Variants in PPARGC1A observed in about 807,000 individuals in gnomAD.
PPARGC1A encodes the protein peroxisome proliferator-activated receptor gamma coactivator 1-alpha.
In PPARGC1A, 25 loss-of-function variants were observed where a neutral mutation model predicts 88.7. That is an observed-to-expected ratio of 0.28 (90% CI 0.21 to 0.39). The LOEUF is 0.39. PPARGC1A is among the 10% of genes least tolerant of loss of function. PPARGC1A has a pLI of 1.00. For missense variants in PPARGC1A, 880 were observed against 968.7 expected, an observed-to-expected ratio of 0.91 and a Z score of 1.22; for synonymous variants, 363 against 355.6, an observed-to-expected ratio of 1.02 and a Z score of -0.24.
At chr4:24,366,469 G>T in the PPARGC1A span, among the ~76,000 whole-genome samples, 1 of 152,136 alleles carries the variant, frequency 6.6e-6, no homozygotes, top group Non-Finnish European at 1.5e-5. Context: ...GCAAAGAAAA[G>T]AAGTTTGCTG....
chr4:23,794,673 G>GCA lies in PPARGC1A; in HGVS notation c.*1148_*1149insTG, dbSNP rs1169131080. The GCA allele has an allele frequency of 3.3e-5, 5 of 152,452 alleles. No individual in the cohort carries two copies. The highest frequency in any genetic ancestry group is 2.0e-4 in the Admixed American group (3 of 15,240). 9.4% of individuals were successfully genotyped at this position (152,452 alleles called of 1,614,324 possible). On this transcript the variant is annotated 3_prime_UTR_variant, in exon 13 of 13. Coordinates refer to ENST00000264867, the MANE Select transcript of PPARGC1A (RefSeq NM_013261.5). ...AAGAAGGCTGCATTTACAGTGCATA[G>GCA]CTGTAACAAAAAAGAACATTGTTGT...
the PPARGC1A span, among the ~76,000 whole-genome samples, chr4:23,975,785 G>C: frequency 5.4e-3 from 823 of 152,322 alleles, 13 homozygotes; most frequent in African/African-American, 0.019. Flanking sequence ...GGTTTTCTGA[G>C]TTCAAATTCT....
At chr4:23,912,800 T>C in the PPARGC1A span, among the ~76,000 whole-genome samples, 1 of 151,476 alleles carries the variant, frequency 6.6e-6, no homozygotes, top group African/African-American at 2.4e-5. Context: ...TTCTTTTTTT[T>C]TTTTTTTAGA....
chr4:24,253,776 A>G, the PPARGC1A span, among the ~76,000 whole-genome samples: 1 of 152,208 alleles, frequency 6.6e-6, no homozygotes, highest in East Asian at 1.9e-4. Context: ...AATTGCATCT[A>G]TGTTCTCAAA....
the PPARGC1A span, among the ~76,000 whole-genome samples, chr4:23,988,164 A>C: frequency 6.6e-6 from 1 of 151,866 alleles, no homozygotes; most frequent in South Asian, 2.1e-4. Flanking sequence ...TATGTGCTAC[A>C]TTTTCTTTAT....
the PPARGC1A span, among the ~76,000 whole-genome samples, chr4:24,263,776 G>T: frequency 1.3e-5 from 2 of 151,952 alleles, no homozygotes; most frequent in Admixed American, 1.3e-4. Flanking sequence ...TTGAGACAGG[G>T]TCTCACTCTG....
chr4:24,438,785 C>T, the PPARGC1A span, among the ~76,000 whole-genome samples: 11 of 151,114 alleles, frequency 7.3e-5, no homozygotes, highest in Admixed American at 6.0e-4. Flanking sequence ...GATCTGAGTC[C>T]GTTAGTGAAA....
the PPARGC1A span, among the ~76,000 whole-genome samples, chr4:24,020,671 G>C: frequency 1.2e-4 from 19 of 152,044 alleles, no homozygotes; most frequent in Non-Finnish European, 2.4e-4. Context: ...CTGGGGAGTG[G>C]GGAGTGGGTG....
chr4:24,318,096 G>C, the PPARGC1A span, among the ~76,000 whole-genome samples: 2 of 152,188 alleles, frequency 1.3e-5, no homozygotes, highest in Admixed American at 6.5e-5. Context: ...GCCGCTCAAA[G>C]ATTAGTCCTG....
chr4:23,980,285 T>C, the PPARGC1A span, among the ~76,000 whole-genome samples: 3 of 151,926 alleles, frequency 2.0e-5, no homozygotes, highest in Non-Finnish European at 2.9e-5. Flanking sequence ...TCAAACATCT[T>C]CAGTAGCTCC....
chr4:23,938,501 A>C, the PPARGC1A span, among the ~76,000 whole-genome samples: 424 of 152,346 alleles, frequency 2.8e-3, no homozygotes, highest in Admixed American at 4.8e-3. Context: ...GTAGAGAGAG[A>C]AAAACTGACT....
chr4:24,213,119 C>T, the PPARGC1A span, among the ~76,000 whole-genome samples: 2 of 151,768 alleles, frequency 1.3e-5, no homozygotes, highest in South Asian at 2.1e-4. Flanking sequence ...GGCCCTACTC[C>T]ATCGCCCCCG....
the PPARGC1A span, among the ~76,000 whole-genome samples, chr4:24,258,658 G>A: frequency 6.6e-6 from 1 of 152,040 alleles, no homozygotes; most frequent in Non-Finnish European, 1.5e-5. Context: ...CTAAAATTTG[G>A]CCTGAAAATA....
the PPARGC1A span, among the ~76,000 whole-genome samples, chr4:23,950,255 A>G: frequency 2.1e-4 from 32 of 152,112 alleles, no homozygotes; most frequent in Admixed American, 1.3e-4. Flanking sequence ...CCCTAAGAGA[A>G]GTTATATTCA....
At chr4:23,905,909 G>A (rs1719973506), upstream of PPARGC1A, among the ~76,000 whole-genome samples, 1 of 152,118 alleles carries the variant, frequency 6.6e-6, no homozygotes, top group South Asian at 2.1e-4. Context: ...ACATCTAGGA[G>A]TCTCTTCACA....
At chr4:24,366,737 C>A in the PPARGC1A span, among the ~76,000 whole-genome samples, 1 of 152,132 alleles carries the variant, frequency 6.6e-6, no homozygotes, top group Non-Finnish European at 1.5e-5. Flanking sequence ...TCCGTCATCA[C>A]CCCCATTGTA....
intron 1 of PPARGC1A, among the ~76,000 whole-genome samples, chr4:23,887,415 T>A (rs1316071968): frequency 6.6e-6 from 1 of 152,224 alleles, no homozygotes; most frequent in Non-Finnish European, 1.5e-5. Context: ...CCTGTAACTG[T>A]CCTCATCTGA....
At chr4:23,818,339 G>C (rs1722353098) in intron 7 of PPARGC1A, among the ~76,000 whole-genome samples, 1 of 152,182 alleles carries the variant, frequency 6.6e-6, no homozygotes, top group African/African-American at 2.4e-5. Flanking sequence ...CAAACTCTCA[G>C]CAGTGCAGCT....
At chr4:24,405,382 G>C in the PPARGC1A span, among the ~76,000 whole-genome samples, 1,445 of 152,256 alleles carry the variant, frequency 9.5e-3, 12 homozygotes, top group Middle Eastern at 0.02. Context: ...TTGAGAGAGA[G>C]AAGAGCGAGA....
Sources: gnomAD v4.1 joint callset for allele counts (sites outside exome capture counted in the v4.1 genomes callset) on GRCh38, gnomAD v4.1.1 for gene constraint, MANE v1.5 for transcripts, NCBI Gene and HGNC (gene_info 2026-07-23, HGNC 2026-07-21) for gene names.